NELL1: variants seen among roughly 807,000 people sequenced by gnomAD.
NELL1 encodes neural EGFL like 1.
In NELL1, 76 loss-of-function variants were observed where a neutral mutation model predicts 107.4. That is an observed-to-expected ratio of 0.71 (90% CI 0.59 to 0.86). NELL1 has a LOEUF of 0.86. NELL1 is among the 40% of genes least tolerant of loss of function. The pLI is 0.00. For synonymous variants in NELL1, 353 were observed against 341.2 expected (o/e 1.03, Z -0.38); for missense variants, 1,024 against 1,005.5 (o/e 1.02, Z -0.25).
intron 2 of NELL1, among the ~76,000 whole-genome samples, chr11:20,728,488 A>G (rs926530036): frequency 1.3e-5 from 2 of 152,154 alleles, no homozygotes; most frequent in African/African-American, 4.8e-5. Flanking sequence ...ATTTTTGTAA[A>G]TAGTGAAAGG....
intron 3 of NELL1, among the ~76,000 whole-genome samples, chr11:20,844,334 A>C (rs1013091268): frequency 1.1e-4 from 17 of 152,112 alleles, no homozygotes; most frequent in Non-Finnish European, 2.4e-4. Context: ...AGAAGAGGGA[A>C]TATCACTGCT....
Position 21,531,799 on chromosome 11 carries a change from C to A in NELL1, c.1646-2575C>A, listed in dbSNP as rs1428026917. Among the ~76,000 whole-genome samples, 3 of 152,194 alleles carry A rather than the reference C, an allele frequency of 2.0e-5. No homozygotes were observed. The East Asian group carries it at 5.8e-4, about 30-fold the overall frequency. On this transcript the variant is annotated intron_variant, in intron 15 of 19. Coordinates refer to ENST00000357134, the MANE Select transcript of NELL1 (RefSeq NM_006157.5). The stretch of plus-strand genomic sequence containing the variant: ...GCTGACTGGGAGAAACAAATCTTTG[C>A]CTCTGAGGACAAAGGCAGCCACAAC...
intron 3 of NELL1, among the ~76,000 whole-genome samples, chr11:20,808,895 G>A (rs527473099): frequency 6.6e-6 from 1 of 152,340 alleles, no homozygotes; most frequent in East Asian, 1.9e-4. Flanking sequence ...AGCAATTCAA[G>A]ACTGTCTTTC....
At chr11:21,327,763 T>C (rs1443843194) in intron 14 of NELL1, among the ~76,000 whole-genome samples, 1 of 152,086 alleles carries the variant, frequency 6.6e-6, no homozygotes, top group African/African-American at 2.4e-5. Context: ...AGTAATGATA[T>C]GGACAATGAA....
At chr11:20,884,726 C>G (rs1368963423) in intron 4 of NELL1, among the ~76,000 whole-genome samples, 1 of 152,186 alleles carries the variant, frequency 6.6e-6, no homozygotes, top group Non-Finnish European at 1.5e-5. Context: ...CTGTATGGAT[C>G]AGATGAGGAT....
At chr11:21,284,764 C>G (rs1849078669) in intron 14 of NELL1, 2 of 342,718 alleles carry the variant, frequency 5.8e-6, no homozygotes, top group South Asian at 4.5e-5. Context: ...AACCCTACCG[C>G]CATGCTGCTG....
At chr11:20,873,200 T>C (rs751711585) in intron 4 of NELL1, among the ~76,000 whole-genome samples, 11 of 152,202 alleles carry the variant, frequency 7.2e-5, no homozygotes, top group Non-Finnish European at 7.3e-5. Flanking sequence ...CATTTTGCTC[T>C]GAACCTCTGG....
At chr11:21,202,668 C>A (rs1857296477) in intron 13 of NELL1, among the ~76,000 whole-genome samples, 1 of 152,134 alleles carries the variant, frequency 6.6e-6, no homozygotes, top group African/African-American at 2.4e-5. Flanking sequence ...CTTCTGCTAG[C>A]TTTTGGATTT....
chr11:21,381,904 A>ATTTTTTTTTTTTTTT (rs149327802), intron 15 of NELL1, among the ~76,000 whole-genome samples: 7 of 91,356 alleles, frequency 7.7e-5, no homozygotes, highest in African/African-American at 1.3e-4. Flanking sequence ...CCTGGAAGGG[A>ATTTTTTTTTTTTTTT]TTTTTTTTTT....
intron 2 of NELL1, among the ~76,000 whole-genome samples, chr11:20,680,681 C>G (rs1290104056): frequency 6.6e-6 from 1 of 152,112 alleles, no homozygotes; most frequent in Non-Finnish European, 1.5e-5. Flanking sequence ...TAGAAATAAT[C>G]CTCTTTGGTT....
intron 12 of NELL1, among the ~76,000 whole-genome samples, chr11:21,089,244 G>A (rs1854468606): frequency 6.6e-6 from 1 of 152,202 alleles, no homozygotes; most frequent in Non-Finnish European, 1.5e-5. Context: ...TAGCCAAGTG[G>A]AAATTGGTTT....
At position 21,462,965 on chromosome 11, in the gene NELL1, A is replaced by G. The variant is rs79387300; in HGVS notation, c.1646-71409A>G. 1.9e-3 allele frequency among the ~76,000 whole-genome samples: 285 copies of G among 152,218 alleles called. 1 individual carries two copies. Among genetic ancestry groups the G allele is most frequent in the South Asian group, 5.6e-3 (27 of 4,828 alleles). The stretch of plus-strand genomic sequence containing the variant: ...AGCAGGACTTGTCAAGGCAAAAGGA[A>G]CACCAAGAAAAAAATGTGGCCAGGA... On this transcript the variant is annotated intron_variant, in intron 15 of 19. Coordinates refer to ENST00000357134, the MANE Select transcript of NELL1 (RefSeq NM_006157.5).
At chr11:21,080,879 G>C (rs956393054) in intron 12 of NELL1, among the ~76,000 whole-genome samples, 1 of 151,436 alleles carries the variant, frequency 6.6e-6, no homozygotes. Flanking sequence ...TTGCCAATCT[G>C]ATATATATTA....
At chr11:20,864,326 C>T (rs1849055315) in intron 4 of NELL1, among the ~76,000 whole-genome samples, 1 of 152,130 alleles carries the variant, frequency 6.6e-6, no homozygotes, top group African/African-American at 2.4e-5. Context: ...AACACAACAT[C>T]TCTTCTCTTT....
chr11:20,891,778 A>C (rs1031728476), intron 5 of NELL1, among the ~76,000 whole-genome samples: 10 of 152,242 alleles, frequency 6.6e-5, no homozygotes, highest in African/African-American at 2.4e-4. Flanking sequence ...GGCATTACAT[A>C]ATGGTAAAGG....
chr11:21,182,390 AC>A (rs1398952094), intron 13 of NELL1, among the ~76,000 whole-genome samples: 5 of 150,680 alleles, frequency 3.3e-5, no homozygotes, highest in Non-Finnish European at 5.9e-5. Flanking sequence ...AACCGAGATC[AC>A]GCCACTGCAC....
chr11:21,548,198 G>GTCTA (rs968324309), intron 16 of NELL1, among the ~76,000 whole-genome samples: 1 of 152,006 alleles, frequency 6.6e-6, no homozygotes, highest in East Asian at 2.0e-4. Flanking sequence ...ATGGCAAAGA[G>GTCTA]TCTATCTACT....
chr11:21,366,144 AC>A (rs1479337083), intron 14 of NELL1, among the ~76,000 whole-genome samples: 3 of 152,098 alleles, frequency 2.0e-5, no homozygotes, highest in African/African-American at 7.2e-5. Context: ...TGATGATATC[AC>A]CCTTATTATT....
intron 14 of NELL1, chr11:21,284,464 A>G: frequency 2.2e-6 from 1 of 458,708 alleles, no homozygotes; most frequent in Non-Finnish European, 4.4e-6. Context: ...ACATCACGAA[A>G]CTGGGAGATG....
Sources: allele counts gnomAD v4.1 joint callset (sites outside exome capture counted in the v4.1 genomes callset), GRCh38; gene constraint gnomAD v4.1.1; transcripts MANE v1.5; gene names NCBI Gene and HGNC (gene_info 2026-07-23, HGNC 2026-07-21).